Variants in FBXO38 observed in about 807,000 individuals in gnomAD.
The protein encoded by FBXO38 is F-box protein 38.
A neutral mutation model predicts 131.9 loss-of-function variants in FBXO38; 53 were observed. The ratio of observed to expected loss-of-function variants is 0.40; its 90% CI spans 0.32 to 0.51. FBXO38 has a LOEUF of 0.51. FBXO38 is among the 20% of genes least tolerant of loss of function. The pLI, the probability that FBXO38 is intolerant of heterozygous loss-of-function variation, is 0.53. For missense variants in FBXO38, 1,076 were observed against 1,475.6 expected, an observed-to-expected ratio of 0.73 and a Z score of 4.44; for synonymous variants, 452 against 505.6, an observed-to-expected ratio of 0.89 and a Z score of 1.42.
At chr5:148,430,158 A>ATTTATTTT (rs1753955892) in intron 15 of FBXO38, 7 of 120,538 alleles carry the variant, frequency 5.8e-5, no homozygotes, top group African/African-American at 2.6e-4. Flanking sequence ...TATTATTATT[A>ATTTATTTT]TTTTTTTTTT....
intron 11 of FBXO38, chr5:148,416,792 T>C (rs1581260473): frequency 3.6e-6 from 2 of 552,818 alleles, no homozygotes; most frequent in Middle Eastern, 4.8e-4. Context: ...TCCTCATCTG[T>C]AAATCAAGCC....
intron 2 of FBXO38, among the ~76,000 whole-genome samples, chr5:148,396,139 T>C (rs567548172): frequency 6.6e-6 from 1 of 152,298 alleles, no homozygotes; most frequent in South Asian, 2.1e-4. Flanking sequence ...TAGTTTTTGC[T>C]AGTTCAGTTC....
Position 148,427,194 on chromosome 5 carries a change from C to T in FBXO38, c.1919-19C>T, listed in dbSNP as rs746868253. On this transcript the variant is annotated intron_variant, in intron 14 of 21. Coordinates refer to ENST00000340253, the MANE Select transcript of FBXO38 (RefSeq NM_205836.3). The stretch of plus-strand genomic sequence containing the variant: ...AATCTTTTCTTTTCCTCGGGCCGTT[C>T]TTCTTTTTCTATAAGCAGTAAGTGG... 6.5e-5 allele frequency: 101 copies of T among 1,552,182 alleles called. No individual in the cohort carries two copies. Among genetic ancestry groups the T allele is most frequent in the Non-Finnish European group, 8.7e-5 (100 of 1,152,456 alleles).
chr5:148,431,766 G>A (rs1398190629), intron 15 of FBXO38, among the ~76,000 whole-genome samples: 1 of 152,176 alleles, frequency 6.6e-6, no homozygotes, highest in Non-Finnish European at 1.5e-5. Context: ...GATACTGTGG[G>A]AGAAGGCCTA....
intron 1 of FBXO38, among the ~76,000 whole-genome samples, chr5:148,384,356 TG>T (rs1159856203): frequency 6.6e-6 from 1 of 152,234 alleles, no homozygotes; most frequent in Admixed American, 6.5e-5. Flanking sequence ...CTTCTGTGAC[TG>T]TCTCCCACCC....
intron 6 of FBXO38, among the ~76,000 whole-genome samples, chr5:148,405,601 C>T (rs144433033): frequency 6.5e-4 from 99 of 152,306 alleles, no homozygotes; most frequent in Admixed American, 4.4e-3. Context: ...TCATTGTTCC[C>T]TGGTCAGCCA....
rs577357645 is a variant in FBXO38, at chr5:148,390,887, G to A, written c.-63-3827G>A. Among the ~76,000 whole-genome samples, 5 of 152,078 alleles carry A rather than the reference G, an allele frequency of 3.3e-5. No individual in the cohort carries two copies. In the East Asian group the frequency reaches 7.7e-4, roughly 24 times the overall value. On this transcript the variant is annotated intron_variant, in intron 1 of 21. Coordinates refer to ENST00000340253, the MANE Select transcript of FBXO38 (RefSeq NM_205836.3). ...TATTAGGTGGTGTGAATTTGAGGAA[G>A]AAAAAGGAGGAAGAAGGGATTAAAA...
intron 12 of FBXO38, among the ~76,000 whole-genome samples, chr5:148,417,995 A>G (rs1483560796): frequency 6.6e-6 from 1 of 152,182 alleles, no homozygotes; most frequent in East Asian, 1.9e-4. Context: ...TGTACAGGGC[A>G]TGATTTCCTT....
intron 9 of FBXO38, among the ~76,000 whole-genome samples, chr5:148,412,523 G>C (rs1386817613): frequency 6.6e-6 from 1 of 152,126 alleles, no homozygotes; most frequent in Non-Finnish European, 1.5e-5. Context: ...TCTTTAGAGA[G>C]TTCTTTGTTC....
At position 148,404,722 on chromosome 5, in the gene FBXO38, A is replaced by T; in HGVS notation, c.630A>T (p.Leu210=). The T allele has an allele frequency of 6.3e-7, 1 of 1,599,762 alleles. No individual in the cohort carries two copies. Among genetic ancestry groups the T allele is most frequent in the South Asian group, 1.1e-5 (1 of 87,424 alleles). The change falls in exon 6 of 22, where the codon CTA becomes CTT. Residue 210 remains leucine, a synonymous_variant. Coordinates refer to ENST00000340253, the MANE Select transcript of FBXO38 (RefSeq NM_205836.3). ...CTGAAATTCCTTGTATCCCAATGCTAAGGCACCTTTATATGAAGTGGGTAA... is the reference window on the plus strand; with the variant it reads ...CTGAAATTCCTTGTATCCCAATGCTTAGGCACCTTTATATGAAGTGGGTAA... ...NVPEIPCIPM[L]RHLYMKWVRL...
At position 148,404,930 on chromosome 5, in the gene FBXO38, T is replaced by C. The variant is rs192946868; in HGVS notation, c.730+108T>C. On this transcript the variant is annotated intron_variant, in intron 6 of 21. Coordinates refer to ENST00000340253, the MANE Select transcript of FBXO38 (RefSeq NM_205836.3). ...ACAATTATATTATGCTATTACTATT[T>C]ATGTCTTATAACATATTCATCTTGT... 14 of 960,856 alleles carry C rather than the reference T, an allele frequency of 1.5e-5. No homozygotes were observed. In the African/African-American group the frequency reaches 2.4e-4, roughly 17 times the overall value. 59.5% of individuals were successfully genotyped at this position (960,856 alleles called of 1,614,324 possible).
intron 1 of FBXO38, among the ~76,000 whole-genome samples, chr5:148,393,188 G>GGTGTGTGTGTGTGTGTGTGT (rs60593654): frequency 5.2e-4 from 66 of 127,080 alleles, no homozygotes; most frequent in African/African-American, 9.1e-4. Flanking sequence ...ACAGAAGAGG[G>GGTGTGTGTGTGTGTGTGTGT]GTGTGTGTGT....
At chr5:148,417,636 A>C (rs990759067) in intron 12 of FBXO38, among the ~76,000 whole-genome samples, 7 of 152,136 alleles carry the variant, frequency 4.6e-5, no homozygotes, top group African/African-American at 1.7e-4. Flanking sequence ...ATGTACCTTT[A>C]ATCATTAGGT....
chr5:148,423,605 G>A (rs1375541562), intron 12 of FBXO38: 1 of 157,526 alleles, frequency 6.3e-6, no homozygotes, highest in Non-Finnish European at 1.4e-5. Flanking sequence ...GAGGTGTGCT[G>A]TTGTGCTTGT....
At chr5:148,386,607 G>A (rs926608018) in intron 1 of FBXO38, among the ~76,000 whole-genome samples, 4 of 152,062 alleles carry the variant, frequency 2.6e-5, no homozygotes, top group African/African-American at 9.7e-5. Flanking sequence ...CTGTAATTCT[G>A]TCATTTCTGA....
chr5:148,421,463 T>C (rs1467612464), intron 12 of FBXO38, among the ~76,000 whole-genome samples: 1 of 152,196 alleles, frequency 6.6e-6, no homozygotes, highest in Non-Finnish European at 1.5e-5. Flanking sequence ...TTATATCTGA[T>C]AATAAATTTC....
At chr5:148,403,557 A>G (rs139004246) in intron 5 of FBXO38, among the ~76,000 whole-genome samples, 1,743 of 152,210 alleles carry the variant, frequency 0.011, 16 homozygotes, top group South Asian at 0.042. Context: ...TGCATCTTAC[A>G]TCTCAATCTG....
chr5:148,404,575 T>G (rs1333474712), intron 5 of FBXO38, 110 bp from the exon 6 acceptor site: 1 of 918,690 alleles, frequency 1.1e-6, no homozygotes, highest in African/African-American at 1.7e-5. Context: ...ATAAAAATCC[T>G]TGAAGGTTAA....
intron 10 of FBXO38, among the ~76,000 whole-genome samples, 166 bp from the exon 11 acceptor site, chr5:148,415,762 A>C (rs909764951): frequency 1.3e-5 from 2 of 152,202 alleles, no homozygotes; most frequent in Admixed American, 6.5e-5. Context: ...GGAATTAGGT[A>C]TGTAAACATC....
Sources: allele counts gnomAD v4.1 joint callset (sites outside exome capture counted in the v4.1 genomes callset), GRCh38; gene constraint gnomAD v4.1.1; transcripts MANE v1.5; gene names NCBI Gene and HGNC (gene_info 2026-07-23, HGNC 2026-07-21).